Variants in ZNF644 observed in about 807,000 individuals in gnomAD.
ZNF644 encodes the protein zinc finger protein 644, also known as zinc finger motif enhancer binding protein 2.
Under a neutral mutation model 108.0 loss-of-function variants are expected in ZNF644, and 20 were observed. The ratio of observed to expected loss-of-function variants is 0.19; its 90% CI spans 0.13 to 0.27. ZNF644 has a LOEUF of 0.27. Ranked by LOEUF, ZNF644 falls within the 10% of genes least tolerant of loss-of-function variation. The probability of loss-of-function intolerance (pLI) is 1.00; values close to 1 mark genes in which losing one functional copy is unlikely to be tolerated. For missense variants in ZNF644, 1,338 were observed against 1,548.9 expected (o/e 0.86, Z 2.29); for synonymous variants, 542 against 539.1 (o/e 1.01, Z -0.08).
intron 2 of ZNF644, among the ~76,000 whole-genome samples, chr1:90,968,907 T>A (rs2101244668): frequency 6.6e-6 from 1 of 152,298 alleles, no homozygotes; most frequent in South Asian, 2.1e-4. Context: ...AAGTCACACA[T>A]CTGACTCAAT....
At chr1:90,933,847 C>T (rs1027752915) in intron 4 of ZNF644, among the ~76,000 whole-genome samples, 9 of 152,254 alleles carry the variant, frequency 5.9e-5, no homozygotes, top group East Asian at 5.8e-4. Context: ...TACAACCTTG[C>T]TACTTATTAA....
chr1:90,963,079 A>T, intron 2 of ZNF644, among the ~76,000 whole-genome samples: 1 of 152,186 alleles, frequency 6.6e-6, no homozygotes, highest in East Asian at 1.9e-4. Flanking sequence ...AGAGCATATA[A>T]AAACTCCTAA....
chr1:90,950,324 CAAAAGAAAAGAAAAGAAAAG>C (rs749730687), intron 2 of ZNF644, among the ~76,000 whole-genome samples: 2 of 63,742 alleles, frequency 3.1e-5, no homozygotes, highest in African/African-American at 7.1e-5. Context: ...GAAAAGAAAA[CAAAAGAAAAGAAAAGAAAAG>C]AAAAGAAAAG....
In ZNF644 at chr1:90,917,025, A is replaced by T. The variant is rs1257378691; in HGVS notation, c.3792-35T>A. The T allele has an allele frequency of 1.9e-6, 3 of 1,605,336 alleles. No individual in the cohort carries two copies. The African/African-American group carries it at 4.0e-5, about 21-fold the overall frequency. Reference sequence around the variant, plus strand: ...GATAACAATTCTCTTAACATGACCAATTCTCTTTCTTTAAAACTAATTCAC... The same window carrying T: ...GATAACAATTCTCTTAACATGACCATTTCTCTTTCTTTAAAACTAATTCAC... On this transcript the variant is annotated intron_variant, in intron 5 of 5. Coordinates refer to ENST00000337393, the MANE Select transcript of ZNF644 (RefSeq NM_201269.3).
intron 1 of ZNF644, among the ~76,000 whole-genome samples, chr1:90,984,064 T>C (rs2101518449): frequency 6.6e-6 from 1 of 152,292 alleles, no homozygotes; most frequent in Admixed American, 6.5e-5. Context: ...GATTCTCTTC[T>C]ACAGCCTCCC....
At chr1:90,935,214 C>T (rs909068358) in intron 4 of ZNF644, among the ~76,000 whole-genome samples, 1 of 152,068 alleles carries the variant, frequency 6.6e-6, no homozygotes, top group Admixed American at 6.6e-5. Context: ...TCAATAAGAG[C>T]CAAAAGAAAA....
intron 2 of ZNF644, among the ~76,000 whole-genome samples, chr1:90,945,979 T>C (rs908248437): frequency 1.1e-4 from 17 of 152,096 alleles, no homozygotes; most frequent in African/African-American, 3.9e-4. Flanking sequence ...AGCTGAATTA[T>C]AGTTAGGATC....
intron 4 of ZNF644, among the ~76,000 whole-genome samples, chr1:90,932,037 G>A (rs948595519): frequency 2.0e-5 from 3 of 152,008 alleles, no homozygotes; most frequent in African/African-American, 4.8e-5. Context: ...CAAAGATGTC[G>A]GTGACCCCAG....
At chr1:90,977,519 ACT>A (rs1373544961) in intron 2 of ZNF644, among the ~76,000 whole-genome samples, 1 of 152,192 alleles carries the variant, frequency 6.6e-6, no homozygotes, top group Non-Finnish European at 1.5e-5. Context: ...ACCTTTGAGC[ACT>A]CTCACAATTT....
chr1:90,959,777 T>C (rs926525495), intron 2 of ZNF644, among the ~76,000 whole-genome samples: 2 of 152,156 alleles, frequency 1.3e-5, no homozygotes, highest in Non-Finnish European at 2.9e-5. Context: ...TGAAACACTT[T>C]AGAAACTAGA....
At position 90,940,036 on chromosome 1, in the gene ZNF644, G is replaced by A. The variant is rs937387655; in HGVS notation, c.1318C>T (p.Arg440Cys). 1.2e-6 allele frequency: 2 copies of A among 1,614,010 alleles called. No homozygotes were observed. Among genetic ancestry groups the A allele is most frequent in the Non-Finnish European group, 1.7e-6 (2 of 1,179,938 alleles). The change falls in exon 3 of 6, where the codon CGC (arginine) becomes TGC (cysteine). Residue 440 changes from arginine (R) to cysteine (C), a missense_variant. By Grantham distance (180) the Arg-to-Cys change is radical. This residue lies in a region of ZNF644 where 80 missense variants were observed against 183.0 expected (regional missense o/e 0.44). Transcript: ENST00000337393. Reference sequence around the variant, plus strand: ...TATGGCCTTGGGACATTAAGATGGCGAAAGTGACTATTCCCATCTAAATGA... The same window carrying A: ...TATGGCCTTGGGACATTAAGATGGCAAAAGTGACTATTCCCATCTAAATGA... ...MYHLDGNSHF[R>C]HLNVPRPYAC...
Position 90,941,004 on chromosome 1 carries a change from T to C in ZNF644, c.350A>G (p.Asn117Ser). 6.2e-7 allele frequency: 1 copy of C among 1,614,084 alleles called. No homozygotes were observed. Among genetic ancestry groups the C allele is most frequent in the Non-Finnish European group, 8.5e-7 (1 of 1,179,966 alleles). ...TAAGGAGGAGTGTGAAACTGGTCCA[T>C]TAACAGCAGCTCCTTTAGGCAAGAT... ...NFILPKGAAV[N>S]GPVSHSSLTK... is the part of the protein sequence containing the mutation. The change falls in exon 3 of 6, where the codon AAT becomes AGT. Residue 117 changes from asparagine (N) to serine (S), a missense_variant. Coordinates refer to ENST00000337393, the MANE Select transcript of ZNF644 (RefSeq NM_201269.3).
intron 1 of ZNF644, among the ~76,000 whole-genome samples, chr1:91,017,816 G>T (rs1275584913): frequency 6.6e-6 from 1 of 152,036 alleles, no homozygotes; most frequent in Non-Finnish European, 1.5e-5. Flanking sequence ...ACAAACATTA[G>T]CCAGGTGTGG....
At chr1:90,976,069 G>C (rs1453548920) in intron 2 of ZNF644, among the ~76,000 whole-genome samples, 1 of 152,174 alleles carries the variant, frequency 6.6e-6, no homozygotes, top group Non-Finnish European at 1.5e-5. Context: ...GAAACTGCCA[G>C]TAACTCTGGC....
At chr1:91,011,203 A>G (rs573963022) in intron 1 of ZNF644, among the ~76,000 whole-genome samples, 2 of 152,272 alleles carry the variant, frequency 1.3e-5, no homozygotes, top group East Asian at 3.9e-4. Context: ...AGATTTTATT[A>G]TTTCTTCAAG....
At chr1:90,987,575 G>A (rs1657230797) in intron 1 of ZNF644, among the ~76,000 whole-genome samples, 2 of 151,972 alleles carry the variant, frequency 1.3e-5, no homozygotes, top group African/African-American at 2.4e-5. Flanking sequence ...GGACCAGATG[G>A]CTTTGCTAGA....
intron 4 of ZNF644, among the ~76,000 whole-genome samples, chr1:90,932,739 A>G (rs1403689464): frequency 6.6e-6 from 1 of 152,176 alleles, no homozygotes; most frequent in Non-Finnish European, 1.5e-5. Flanking sequence ...TAAGCAGCAA[A>G]GACATCTGTA....
intron 2 of ZNF644, among the ~76,000 whole-genome samples, chr1:90,943,787 A>T (rs1050999379): frequency 2.0e-5 from 3 of 151,988 alleles, no homozygotes; most frequent in African/African-American, 7.3e-5. Context: ...CAGCACATAA[A>T]CATGTGTTAG....
At chr1:90,958,540 AAGG>A (rs1261791098) in intron 2 of ZNF644, among the ~76,000 whole-genome samples, 1 of 152,172 alleles carries the variant, frequency 6.6e-6, no homozygotes, top group Admixed American at 6.5e-5. Flanking sequence ...AAAGAAAAAG[AAGG>A]AGTACTCACA....
Sources: gnomAD v4.1 joint callset for allele counts (sites outside exome capture counted in the v4.1 genomes callset) on GRCh38, gnomAD v4.1.1 for gene constraint, gnomAD v4.1.1 regional missense constraint, MANE v1.5 for transcripts, NCBI Gene and HGNC (gene_info 2026-07-23, HGNC 2026-07-21) for gene names.